The following PTPRM variants were observed in gnomAD, a reference collection of about 807,000 sequenced individuals.
PTPRM encodes receptor-type tyrosine-protein phosphatase mu.
In PTPRM, 47 loss-of-function variants were observed where a neutral mutation model predicts 186.7. That is an observed-to-expected ratio of 0.25 (90% CI 0.20 to 0.32). PTPRM has a LOEUF of 0.32. Ranked by LOEUF, PTPRM falls within the 10% of genes least tolerant of loss-of-function variation. The probability of loss-of-function intolerance (pLI) is 1.00; values close to 1 mark genes in which losing one functional copy is unlikely to be tolerated. For synonymous variants in PTPRM, 668 were observed against 674.9 expected (o/e 0.99, Z 0.16); for missense variants, 1,494 against 1,865.0 (o/e 0.80, Z 3.66).
chr18:8,315,180 C>T (rs1164262851), intron 21 of PTPRM, among the ~76,000 whole-genome samples: 1 of 152,216 alleles, frequency 6.6e-6, no homozygotes, highest in Non-Finnish European at 1.5e-5. Context: ...TTTGCCATCT[C>T]ATGCTTATGT....
At chr18:8,338,934 G>A (rs1191839505) in intron 22 of PTPRM, among the ~76,000 whole-genome samples, 1 of 152,118 alleles carries the variant, frequency 6.6e-6, no homozygotes, top group African/African-American at 2.4e-5. Flanking sequence ...ATCAAGGTTT[G>A]AAAATGATCA....
intron 14 of PTPRM, among the ~76,000 whole-genome samples, chr18:8,240,119 G>A (rs1488748757): frequency 1.3e-5 from 2 of 152,094 alleles, no homozygotes; most frequent in Non-Finnish European, 1.5e-5. Context: ...GTCTGAAACG[G>A]GAGGCTCAAA....
In PTPRM at chr18:8,190,400, C is replaced by T. The variant is rs114525894; in HGVS notation, c.2300+46621C>T. On this transcript the variant is annotated intron_variant, in intron 14 of 32. Coordinates refer to ENST00000580170, the MANE Select transcript of PTPRM (RefSeq NM_001105244.2). ...TCTTTCTGTGCCTGTCTTCACTTAG[C>T]GTGATGTCCTCTAAGTTCACCCATA... 5.4e-3 allele frequency among the ~76,000 whole-genome samples: 824 copies of T among 152,306 alleles called. 6 individuals are homozygous for T. Among genetic ancestry groups the T allele is most frequent in the African/African-American group, 0.019 (784 of 41,568 alleles).
intron 2 of PTPRM, among the ~76,000 whole-genome samples, chr18:7,852,278 C>A (rs1056519974): frequency 2.0e-5 from 3 of 152,058 alleles, no homozygotes; most frequent in African/African-American, 4.8e-5. Flanking sequence ...AGAAAGGATG[C>A]AATAAAAGGT....
At chr18:7,960,478 T>TAC (rs1254346037) in intron 7 of PTPRM, among the ~76,000 whole-genome samples, 27 of 93,872 alleles carry the variant, frequency 2.9e-4, no homozygotes, top group South Asian at 1.0e-3. Flanking sequence ...TATATATATA[T>TAC]ATACACACAC....
intron 11 of PTPRM, among the ~76,000 whole-genome samples, chr18:8,103,552 A>G (rs139264729): frequency 6.6e-6 from 1 of 152,326 alleles, no homozygotes; most frequent in East Asian, 1.9e-4. Context: ...ATAGAATTGA[A>G]GAAAGTTAGG....
At position 8,063,713 on chromosome 18, in the gene PTPRM, C is replaced by T. The variant is rs144695149; in HGVS notation, c.1133-5973C>T. ...GGCGTAGTGGTGAAGTCTGAACTTT[C>T]AGCATTCAACAAGCTTTTTACTTAA... is the stretch of plus-strand genomic sequence containing the variant. On this transcript the variant is annotated intron_variant, in intron 7 of 32. Transcript: ENST00000580170. Among the ~76,000 whole-genome samples the T allele has an allele frequency of 2.9e-3, 442 of 152,196 alleles. 2 individuals carry two copies. The highest frequency in any genetic ancestry group is 0.01 in the African/African-American group (431 of 41,530).
At chr18:7,911,955 T>C (rs942190008) in intron 4 of PTPRM, among the ~76,000 whole-genome samples, 2 of 147,916 alleles carry the variant, frequency 1.4e-5, no homozygotes, top group African/African-American at 5.0e-5. Flanking sequence ...CACGTTTAAG[T>C]GATTCTCCTG....
chr18:8,308,853 A>T (rs1159740705), intron 20 of PTPRM, among the ~76,000 whole-genome samples: 1 of 152,252 alleles, frequency 6.6e-6, no homozygotes, highest in Non-Finnish European at 1.5e-5. Context: ...CTCCAGCCAC[A>T]TTTCATGTGC....
At chr18:7,698,829 A>G (rs1004129395) in intron 1 of PTPRM, among the ~76,000 whole-genome samples, 1 of 152,200 alleles carries the variant, frequency 6.6e-6, no homozygotes, top group African/African-American at 2.4e-5. Flanking sequence ...CTGGTTAGCA[A>G]TTCCCTGATG....
At chr18:8,247,436 T>C (rs7237330) in intron 15 of PTPRM, among the ~76,000 whole-genome samples, 109,011 of 152,140 alleles carry the variant, frequency 0.72, 40,310 homozygotes, top group African/African-American at 0.88. Flanking sequence ...TAGCAAACTA[T>C]GGGAACATTG....
intron 22 of PTPRM, among the ~76,000 whole-genome samples, chr18:8,321,573 A>G (rs551055835): frequency 4.4e-4 from 67 of 152,340 alleles, no homozygotes; most frequent in African/African-American, 1.6e-3. Flanking sequence ...TAAGCAGATA[A>G]GAAATAGCAA....
intron 1 of PTPRM, among the ~76,000 whole-genome samples, chr18:7,617,504 A>G (rs1012534311): frequency 2.0e-5 from 3 of 152,196 alleles, no homozygotes; most frequent in African/African-American, 7.2e-5. Flanking sequence ...AGCAACTATT[A>G]TACATACAAT....
intron 1 of PTPRM, among the ~76,000 whole-genome samples, chr18:7,725,940 A>G (rs766358639): frequency 3.9e-5 from 6 of 152,212 alleles, no homozygotes; most frequent in Non-Finnish European, 8.8e-5. Flanking sequence ...ATCCACAGAC[A>G]GCAAAGCTAA....
At chr18:8,183,763 A>G (rs1230082395) in intron 14 of PTPRM, among the ~76,000 whole-genome samples, 1 of 152,168 alleles carries the variant, frequency 6.6e-6, no homozygotes, top group Non-Finnish European at 1.5e-5. Context: ...TTTTGGGGAG[A>G]CTAAAAATAA....
At chr18:8,144,277 A>G (rs2092830324) in intron 14 of PTPRM, among the ~76,000 whole-genome samples, 1 of 152,208 alleles carries the variant, frequency 6.6e-6, no homozygotes, top group Non-Finnish European at 1.5e-5. Context: ...AGCCCGACAG[A>G]AAAATGCAGC....
intron 2 of PTPRM, among the ~76,000 whole-genome samples, chr18:7,817,287 GTTTA>G (rs989444519): frequency 1.3e-5 from 2 of 152,106 alleles, no homozygotes; most frequent in African/African-American, 4.8e-5. Flanking sequence ...TTTCTAGTTA[GTTTA>G]TTTACCTATG....
intron 7 of PTPRM, among the ~76,000 whole-genome samples, chr18:8,041,087 T>A (rs1001272681): frequency 1.3e-5 from 2 of 152,240 alleles, no homozygotes; most frequent in Admixed American, 1.3e-4. Flanking sequence ...AGCAGGAACG[T>A]CCTTCTACAT....
intron 1 of PTPRM, among the ~76,000 whole-genome samples, chr18:7,641,151 G>T (rs1390463110): frequency 1.3e-5 from 2 of 152,058 alleles, no homozygotes; most frequent in Non-Finnish European, 2.9e-5. Flanking sequence ...GTCCTACTTG[G>T]AGCTGCTGAA....
Sources: allele counts gnomAD v4.1 joint callset (sites outside exome capture counted in the v4.1 genomes callset), GRCh38; gene constraint gnomAD v4.1.1; transcripts MANE v1.5; gene names NCBI Gene and HGNC (gene_info 2026-07-23, HGNC 2026-07-21).